The following LMOD1 variants were observed in gnomAD, a reference collection of about 807,000 sequenced individuals.
LMOD1 encodes the protein leiomodin 1.
In LMOD1, 8 loss-of-function variants were observed where a neutral mutation model predicts 36.5. That is an observed-to-expected ratio of 0.22 (90% CI 0.13 to 0.40). The LOEUF is 0.40. Among genes scored for constraint, LMOD1 ranks in the 10% least tolerant of loss-of-function variants. The pLI, the probability that LMOD1 is intolerant of heterozygous loss-of-function variation, is 1.00. For missense variants in LMOD1, 630 were observed against 751.1 expected, an observed-to-expected ratio of 0.84 and a Z score of 1.88; for synonymous variants, 284 against 288.7, an observed-to-expected ratio of 0.98 and a Z score of 0.17.
chr1:201,907,110 G>A (rs1681424689), intron 1 of LMOD1, among the ~76,000 whole-genome samples: 1 of 152,250 alleles, frequency 6.6e-6, no homozygotes, highest in African/African-American at 2.4e-5. Flanking sequence ...ACGGCTGCCA[G>A]GAAAACTGGG....
rs369037015 is a variant in LMOD1, at chr1:201,938,151, T to C, written c.261+7929A>G. On this transcript the variant is annotated intron_variant, in intron 1 of 2. Coordinates refer to ENST00000367288, the MANE Select transcript of LMOD1 (RefSeq NM_012134.3). ...ATTTCCTTTTTTTTTTTTTTTGAGA[T>C]GGAGTTTCGCTCTTGTTGCCGAGGC... Among the ~76,000 whole-genome samples, 343 of 148,712 alleles carry C rather than the reference T, an allele frequency of 2.3e-3. 1 individual carries two copies. Among genetic ancestry groups the C allele is most frequent in the African/African-American group, 8.3e-3 (332 of 39,870 alleles).
At chr1:201,919,419 G>A (rs10753907) in intron 1 of LMOD1, among the ~76,000 whole-genome samples, 27,844 of 151,824 alleles carry the variant, frequency 0.18, 2,947 homozygotes, top group East Asian at 0.4. Context: ...GGCCAGGCTG[G>A]TCTCAAACTC....
chr1:201,939,740 G>C (rs186750935), intron 1 of LMOD1, among the ~76,000 whole-genome samples: 1 of 150,046 alleles, frequency 6.7e-6, no homozygotes, highest in Non-Finnish European at 1.5e-5. Context: ...ATGGCGCTGT[G>C]TGTTGTTCCT....
At chr1:201,937,841 C>T (rs1159856518) in intron 1 of LMOD1, among the ~76,000 whole-genome samples, 2 of 152,170 alleles carry the variant, frequency 1.3e-5, no homozygotes, top group African/African-American at 4.8e-5. Context: ...CTACTCTATC[C>T]TGGCATTTAG....
chr1:201,902,396 C>G (rs1440543308), intron 1 of LMOD1, among the ~76,000 whole-genome samples: 1 of 151,632 alleles, frequency 6.6e-6, no homozygotes, highest in Admixed American at 6.6e-5. Context: ...TGAGAGAGGC[C>G]ATGGGACCAA....
intron 1 of LMOD1, among the ~76,000 whole-genome samples, chr1:201,927,589 A>AAC (rs759081905): frequency 5.8e-4 from 39 of 67,640 alleles, no homozygotes; most frequent in African/African-American, 1.8e-3. Flanking sequence ...CAAAAAAAAC[A>AAC]AAAAAAAAAA....
chr1:201,939,632 T>C (rs932375015), intron 1 of LMOD1, among the ~76,000 whole-genome samples: 15 of 152,190 alleles, frequency 9.9e-5, no homozygotes, highest in Admixed American at 9.2e-4. Flanking sequence ...AGGAAGGGCC[T>C]GATCTGGAAA....
intron 1 of LMOD1, among the ~76,000 whole-genome samples, chr1:201,916,592 T>C (rs993197091): frequency 1.3e-5 from 2 of 152,068 alleles, no homozygotes. Context: ...TGTCTTTAAA[T>C]AACTGAGTTT....
chr1:201,908,285 C>T (rs1681442549), intron 1 of LMOD1, among the ~76,000 whole-genome samples: 1 of 152,224 alleles, frequency 6.6e-6, no homozygotes, highest in South Asian at 2.1e-4. Context: ...CTCCACTGGC[C>T]TGTGCTGGAT....
Position 201,896,874 on chromosome 1 carries a change from T to G in LMOD1, c.*1498A>C, listed in dbSNP as rs141178750. ...TTGGTCAGACCTAGCACAGCGATCT[T>G]GCTTCCTAGCTGGGGCACCCCACCC... On this transcript the variant is annotated 3_prime_UTR_variant, in exon 3 of 3. Coordinates refer to ENST00000367288, the MANE Select transcript of LMOD1 (RefSeq NM_012134.3). 2.8e-3 allele frequency: 1,009 copies of G among 362,168 alleles called. 8 individuals carry two copies. Among genetic ancestry groups the G allele is most frequent in the African/African-American group, 0.015 (731 of 47,256 alleles). 22.4% of individuals were successfully genotyped at this position (362,168 alleles called of 1,614,324 possible).
At position 201,897,573 on chromosome 1, in the gene LMOD1, T is replaced by A. The variant is rs1296600129; in HGVS notation, c.*799A>T. 1.3e-5 allele frequency: 2 copies of A among 152,704 alleles called. No individual in the cohort carries two copies. The highest frequency in any genetic ancestry group is 4.8e-5 in the African/African-American group (2 of 41,442). 9.5% of individuals were successfully genotyped at this position (152,704 alleles called of 1,614,324 possible). A position where few individuals can be genotyped will look rare whatever the true frequency, so the allele number is the denominator to read the frequency against. ...CAGGGAACCTGAGCTTCTAGAGTCC[T>A]CCAGGGAGCCCAGGGTTAGGATCAG... On this transcript the variant is annotated 3_prime_UTR_variant, in exon 3 of 3. Coordinates refer to ENST00000367288, the MANE Select transcript of LMOD1 (RefSeq NM_012134.3).
At chr1:201,908,799 T>C (rs1681448831) in intron 1 of LMOD1, among the ~76,000 whole-genome samples, 1 of 152,134 alleles carries the variant, frequency 6.6e-6, no homozygotes, top group African/African-American at 2.4e-5. Flanking sequence ...ATGGAAACTG[T>C]CCGAAATGGA....
chr1:201,896,491 T>C lies in LMOD1; in HGVS notation c.*1881A>G, dbSNP rs1681197635. On this transcript the variant is annotated 3_prime_UTR_variant, in exon 3 of 3. Coordinates refer to ENST00000367288, the MANE Select transcript of LMOD1 (RefSeq NM_012134.3). ...CTTTTATTAGCTGTGTGATCATGGA[T>C]ATATTAGTTAACCTCTCTGGGCCAA... is the stretch of plus-strand genomic sequence containing the variant. The C allele has an allele frequency of 4.4e-6, 2 of 456,574 alleles. No homozygotes were observed. Among genetic ancestry groups the C allele is most frequent in the African/African-American group, 4.0e-5 (2 of 50,068 alleles). The allele number at this position is 456,574 out of a possible 1,614,324, so 28.3% of individuals were successfully genotyped here.
chr1:201,924,832 TTA>T (rs1180929592), intron 1 of LMOD1, among the ~76,000 whole-genome samples: 1 of 151,744 alleles, frequency 6.6e-6, no homozygotes, highest in Non-Finnish European at 1.5e-5. Context: ...CTGCAGTGAG[TTA>T]TGACTGCACC....
intron 1 of LMOD1, among the ~76,000 whole-genome samples, chr1:201,920,303 G>A (rs72744822): frequency 0.076 from 11,537 of 151,558 alleles, 529 homozygotes; most frequent in East Asian, 0.14. Flanking sequence ...CAGACGATCC[G>A]CCCGCCTCAG....
chr1:201,901,944 CATT>C (rs1681336785), intron 1 of LMOD1, among the ~76,000 whole-genome samples: 1 of 138,164 alleles, frequency 7.2e-6, no homozygotes, highest in Non-Finnish European at 1.5e-5. Flanking sequence ...AAATTATTAT[CATT>C]ATTATTGTTA....
intron 1 of LMOD1, among the ~76,000 whole-genome samples, chr1:201,945,020 T>C (rs924270360): frequency 1.3e-5 from 2 of 152,214 alleles, no homozygotes; most frequent in African/African-American, 2.4e-5. Flanking sequence ...TTGAGACTGA[T>C]CTTTTTCTTG....
rs974891832 is a variant in LMOD1, at chr1:201,896,702, A to G, written c.*1670T>C. On this transcript the variant is annotated 3_prime_UTR_variant, in exon 3 of 3. Coordinates refer to ENST00000367288, the MANE Select transcript of LMOD1 (RefSeq NM_012134.3). ...GCTCCAGCTCATACCCTTTAGGTCC[A>G]GGAGCCAGTGTGTGTCTGTCTCCTC... is the stretch of plus-strand genomic sequence containing the variant. 6.6e-6 allele frequency: 3 copies of G among 456,514 alleles called. No homozygotes were observed. Among genetic ancestry groups the G allele is most frequent in the African/African-American group, 6.0e-5 (3 of 50,062 alleles). The allele number at this position is 456,514 out of a possible 1,614,324, so 28.3% of individuals were successfully genotyped here. A position where few individuals can be genotyped will look rare whatever the true frequency, so the allele number is the denominator to read the frequency against.
intron 1 of LMOD1, 115 bp downstream of exon 1, chr1:201,945,965 A>C (rs1469466182): frequency 9.3e-7 from 1 of 1,070,130 alleles, no homozygotes; most frequent in Non-Finnish European, 1.4e-6. Context: ...TGAAGCATTA[A>C]AATCCTTTGC....
Sources: allele counts gnomAD v4.1 joint callset (sites outside exome capture counted in the v4.1 genomes callset), GRCh38; gene constraint gnomAD v4.1.1; transcripts MANE v1.5; gene names NCBI Gene and HGNC (gene_info 2026-07-23, HGNC 2026-07-21).